Variants in CRHBP observed in about 807,000 individuals in gnomAD.
CRHBP encodes corticotropin-releasing hormone-binding protein.
CRHBP carries 19 observed loss-of-function variants against 34.9 expected under a neutral mutation model. The ratio of observed to expected loss-of-function variants is 0.55; its 90% CI spans 0.38 to 0.80. The LOEUF is 0.80. Ranked by LOEUF, CRHBP falls within the 30% of genes least tolerant of loss-of-function variation. The pLI, the probability that CRHBP is intolerant of heterozygous loss-of-function variation, is 0.00. For missense variants in CRHBP, 328 were observed against 409.2 expected (o/e 0.80, Z 1.71); for synonymous variants, 154 against 153.4 (o/e 1.00, Z -0.03).
intron 3 of CRHBP, among the ~76,000 whole-genome samples, chr5:76,977,697 T>G (rs1746060232): frequency 6.6e-6 from 1 of 152,172 alleles, no homozygotes; most frequent in Non-Finnish European, 1.5e-5. Flanking sequence ...TTAGGCCAAT[T>G]TATAATTCTA....
intron 6 of CRHBP, among the ~76,000 whole-genome samples, chr5:76,967,846 G>A (rs1167227231): frequency 2.0e-5 from 3 of 151,812 alleles, no homozygotes; most frequent in East Asian, 1.9e-4. Flanking sequence ...CTACAGGTGC[G>A]CACCACCATG....
chr5:76,966,430 C>T (rs1188053229), intron 6 of CRHBP, among the ~76,000 whole-genome samples: 1 of 152,190 alleles, frequency 6.6e-6, no homozygotes, highest in Non-Finnish European at 1.5e-5. Flanking sequence ...GTTCCACGGC[C>T]AGTACAAGGC....
At position 76,954,129 on chromosome 5, in the gene CRHBP, C is replaced by A; in HGVS notation, c.276C>A (p.Phe92Leu). The A allele has an allele frequency of 6.2e-7, 1 of 1,614,084 alleles. No homozygotes were observed. ...AAFFISEPEE[F>L]ITIHYDQVSI... ...TCTTCATCAGCGAGCCCGAGGAGTTCATTACCATCCACTACGACCAGGTCT... is the reference window on the plus strand; with the variant it reads ...TCTTCATCAGCGAGCCCGAGGAGTTAATTACCATCCACTACGACCAGGTCT... The change falls in exon 3 of 7, where the codon TTC (phenylalanine) becomes TTA (leucine). Residue 92 changes from phenylalanine (F) to leucine (L), a missense_variant. Coordinates refer to ENST00000274368, the MANE Select transcript of CRHBP (RefSeq NM_001882.4).
At chr5:76,958,562 G>T in intron 4 of CRHBP, 179 bp from the exon 5 acceptor site, 1 of 596,160 alleles carries the variant, frequency 1.7e-6, no homozygotes. Context: ...TGTCACTGAT[G>T]GTTTTTGTTC....
intron 5 of CRHBP, among the ~76,000 whole-genome samples, chr5:76,961,425 A>G (rs977790762): frequency 6.6e-6 from 1 of 152,206 alleles, no homozygotes; most frequent in African/African-American, 2.4e-5. Flanking sequence ...ATTTAGTTGT[A>G]AGAGATGTTC....
downstream of CRHBP, among the ~76,000 whole-genome samples, chr5:76,972,753 A>G (rs754401379): frequency 3.0e-4 from 46 of 152,316 alleles, no homozygotes; most frequent in Middle Eastern, 0.02. Flanking sequence ...ATAAAGCAGC[A>G]TGTCTTCTTT....
downstream of CRHBP, among the ~76,000 whole-genome samples, chr5:76,972,137 G>A (rs558191974): frequency 6.6e-6 from 1 of 151,872 alleles, no homozygotes; most frequent in Non-Finnish European, 1.5e-5. Flanking sequence ...GGGGTCAAGT[G>A]ATCTCTCACC....
At chr5:76,971,604 G>T (rs1046268690), downstream of CRHBP, among the ~76,000 whole-genome samples, 6 of 152,112 alleles carry the variant, frequency 3.9e-5, no homozygotes, top group African/African-American at 1.4e-4. Flanking sequence ...TAATCCTAAC[G>T]TTTGAGGGTA....
downstream of CRHBP, among the ~76,000 whole-genome samples, chr5:76,971,795 T>TAGA (rs528598674): frequency 2.1e-3 from 324 of 152,358 alleles, 3 homozygotes; most frequent in African/African-American, 7.3e-3. Flanking sequence ...TCTGCCCTTC[T>TAGA]GCCCCATTCT....
rs1239133909 is a variant in CRHBP, at chr5:76,953,095, C to T, written c.-40C>T. The T allele has an allele frequency of 6.2e-7, 1 of 1,606,438 alleles. No homozygotes were observed. The highest frequency in any genetic ancestry group is 1.7e-5 in the Admixed American group (1 of 60,010). On this transcript the variant is annotated 5_prime_UTR_variant, in exon 1 of 7. Coordinates refer to ENST00000274368, the MANE Select transcript of CRHBP (RefSeq NM_001882.4). ...GGGTGTAGGAAGGAAAGCCCAGGAC[C>T]TCCGGAGCAGAGCACAGCAGCTGCA...
At chr5:76,953,748 T>G (rs2150703922) in intron 2 of CRHBP, 54 bp downstream of exon 2, 2 of 1,522,144 alleles carry the variant, frequency 1.3e-6, no homozygotes, top group Admixed American at 1.9e-5. Flanking sequence ...AAGGTGGGAC[T>G]CTGTGCGGGG....
intron 6 of CRHBP, among the ~76,000 whole-genome samples, chr5:76,966,214 C>G (rs1486510582): frequency 6.6e-6 from 1 of 152,162 alleles, no homozygotes; most frequent in Non-Finnish European, 1.5e-5. Flanking sequence ...GATGGGGTTT[C>G]TCCATGTTGG....
chr5:76,953,997 G>A (rs1561263913), intron 2 of CRHBP, 32 bp from the exon 3 acceptor site: 10 of 1,589,440 alleles, frequency 6.3e-6, no homozygotes, highest in Non-Finnish European at 8.6e-6. Context: ...GCTGCAGCCC[G>A]GGACTTATTG....
Position 76,968,989 on chromosome 5 carries a change from G to T in CRHBP, c.*104G>T. The T allele has an allele frequency of 7.3e-7, 1 of 1,368,814 alleles. No homozygotes were observed. Among genetic ancestry groups the T allele is most frequent in the Non-Finnish European group, 1.0e-6 (1 of 994,950 alleles). 84.8% of individuals were successfully genotyped at this position (1,368,814 alleles called of 1,614,324 possible). On this transcript the variant is annotated 3_prime_UTR_variant, in exon 7 of 7. Coordinates refer to ENST00000274368, the MANE Select transcript of CRHBP (RefSeq NM_001882.4). ...AGTTAAAAGCCTTTCATACCAGTCAGTATTCCCAGCCTTGAGCGCACGCGC... is the reference window on the plus strand; with the variant it reads ...AGTTAAAAGCCTTTCATACCAGTCATTATTCCCAGCCTTGAGCGCACGCGC...
At chr5:76,963,169 G>A in intron 5 of CRHBP, 174 bp from the exon 6 acceptor site, 1 of 573,136 alleles carries the variant, frequency 1.7e-6, no homozygotes, top group East Asian at 2.7e-5. Context: ...CAATTTTTAT[G>A]ATTTTTTCTC....
chr5:76,953,072 G>A lies in CRHBP; in HGVS notation c.-63G>A, dbSNP rs535953382. The stretch of plus-strand genomic sequence containing the variant: ...CTTCTAGCTCTCAGTCTGCGCGAGG[G>A]TGTAGGAAGGAAAGCCCAGGACCTC... On this transcript the variant is annotated 5_prime_UTR_variant, in exon 1 of 7. In the 5' UTR this introduces an upstream ATG that the reference lacks. Coordinates refer to ENST00000274368, the MANE Select transcript of CRHBP (RefSeq NM_001882.4). 2.7e-4 allele frequency: 414 copies of A among 1,532,680 alleles called. 1 individual carries two copies. The highest frequency in any genetic ancestry group is 3.7e-4 in the South Asian group (33 of 89,256). 94.9% of individuals were successfully genotyped at this position (1,532,680 alleles called of 1,614,324 possible). A position where few individuals can be genotyped will look rare whatever the true frequency, so the allele number is the denominator to read the frequency against.
downstream of CRHBP, among the ~76,000 whole-genome samples, chr5:76,970,797 C>A (rs1745933776): frequency 6.6e-6 from 1 of 152,158 alleles, no homozygotes; most frequent in African/African-American, 2.4e-5. Flanking sequence ...TAGGAAACTT[C>A]TTTTATTCCT....
intron 2 of CRHBP, among the ~76,000 whole-genome samples, chr5:76,975,716 A>C (rs1746013808): frequency 6.8e-6 from 1 of 147,690 alleles, no homozygotes; most frequent in Non-Finnish European, 1.5e-5. Context: ...AAGCAGGAGA[A>C]TTGCTTGAAC....
At chr5:76,966,391 C>G (rs1252130133) in intron 6 of CRHBP, among the ~76,000 whole-genome samples, 1 of 152,156 alleles carries the variant, frequency 6.6e-6, no homozygotes, top group Non-Finnish European at 1.5e-5. Flanking sequence ...AATTGGCACC[C>G]TATGCAGATG....
Sources: gnomAD v4.1 joint callset for allele counts (sites outside exome capture counted in the v4.1 genomes callset) on GRCh38, gnomAD v4.1.1 for gene constraint, MANE v1.5 for transcripts, NCBI Gene and HGNC (gene_info 2026-07-23, HGNC 2026-07-21) for gene names.